Variants in ATF6 observed in about 807,000 individuals in gnomAD.
ATF6 encodes cyclic AMP-dependent transcription factor ATF-6 alpha.
Under a neutral mutation model 83.6 loss-of-function variants are expected in ATF6, and 53 were observed. That is an observed-to-expected ratio of 0.63 (90% CI 0.51 to 0.80). The LOEUF is 0.80. Among genes scored for constraint, ATF6 ranks in the 30% least tolerant of loss-of-function variants. ATF6 has a pLI of 0.00. For missense variants in ATF6, 744 were observed against 797.9 expected (o/e 0.93, Z 0.81); for synonymous variants, 288 against 285.8 (o/e 1.01, Z -0.08).
intron 9 of ATF6, among the ~76,000 whole-genome samples, chr1:161,838,080 T>TTTA (rs1253185462): frequency 3.3e-5 from 5 of 152,198 alleles, no homozygotes; most frequent in Non-Finnish European, 5.9e-5. Context: ...AGGACTTTAG[T>TTTA]AACTCTGCCC....
chr1:161,942,202 C>A (rs1688660721), intron 15 of ATF6, among the ~76,000 whole-genome samples: 1 of 152,158 alleles, frequency 6.6e-6, no homozygotes, highest in South Asian at 2.1e-4. Context: ...AACTCCTCAG[C>A]CCTCATACCA....
At chr1:161,894,963 A>T (rs1432760253) in intron 14 of ATF6, among the ~76,000 whole-genome samples, 1 of 151,672 alleles carries the variant, frequency 6.6e-6, no homozygotes, top group African/African-American at 2.4e-5. Flanking sequence ...TTCAGGCCAG[A>T]TGCAGTGGCT....
intron 15 of ATF6, among the ~76,000 whole-genome samples, chr1:161,936,219 T>C (rs1273615281): frequency 6.6e-6 from 1 of 152,244 alleles, no homozygotes; most frequent in Non-Finnish European, 1.5e-5. Flanking sequence ...TTAGTTGGCA[T>C]GAATTTGAGG....
intron 15 of ATF6, among the ~76,000 whole-genome samples, chr1:161,954,093 A>G (rs184916213): frequency 1.8e-4 from 27 of 152,242 alleles, no homozygotes; most frequent in African/African-American, 6.5e-4. Flanking sequence ...AAAAAATACT[A>G]ACAGAAATGC....
chr1:161,770,173 A>G (rs1411273084), intron 1 of ATF6, among the ~76,000 whole-genome samples: 3 of 152,168 alleles, frequency 2.0e-5, no homozygotes, highest in African/African-American at 7.2e-5. Flanking sequence ...GGAATCATAC[A>G]GTATGTAGCA....
At chr1:161,831,977 A>T (rs1000328348) in intron 9 of ATF6, among the ~76,000 whole-genome samples, 14 of 151,864 alleles carry the variant, frequency 9.2e-5, no homozygotes, top group South Asian at 4.1e-4. Flanking sequence ...ATTTCCAGAG[A>T]TACAGAGCCA....
intron 15 of ATF6, among the ~76,000 whole-genome samples, chr1:161,914,575 T>C (rs1688053166): frequency 6.6e-6 from 1 of 152,170 alleles, no homozygotes; most frequent in Admixed American, 6.6e-5. Context: ...ATCTAGACCT[T>C]ATCATCATCA....
chr1:161,782,902 G>T (rs1191805570), intron 3 of ATF6, among the ~76,000 whole-genome samples: 2 of 152,206 alleles, frequency 1.3e-5, no homozygotes, highest in Non-Finnish European at 2.9e-5. Context: ...TTGACCGGGT[G>T]CTCCAAGGAT....
rs60394665 is a variant in ATF6 at position 161,766,324 on chromosome 1, A to G, written c.-37A>G. 296 of 1,597,760 alleles carry G rather than the reference A, an allele frequency of 1.9e-4. 4 individuals carry two copies. The East Asian group carries it at 6.2e-3, about 33-fold the overall frequency. ...TCCGCCTGCCGCCGCCGTCCCAGAT[A>G]TTAATCACGGAGTTCCAGGGAGAAG... On this transcript the variant is annotated 5_prime_UTR_variant, in exon 1 of 16. The change creates a new upstream start codon in the 5' untranslated region. Coordinates refer to ENST00000367942, the MANE Select transcript of ATF6 (RefSeq NM_007348.4).
chr1:161,807,628 T>C (rs1422373311), intron 7 of ATF6, among the ~76,000 whole-genome samples: 1 of 152,194 alleles, frequency 6.6e-6, no homozygotes, highest in Non-Finnish European at 1.5e-5. Context: ...AAAGAAAATA[T>C]GCTTTGTTTA....
chr1:161,834,339 C>A (rs576463898), intron 9 of ATF6, among the ~76,000 whole-genome samples: 1 of 151,796 alleles, frequency 6.6e-6, no homozygotes, highest in South Asian at 2.1e-4. Flanking sequence ...ATGTTTATTG[C>A]GGCACTATTC....
At chr1:161,829,293 G>A (rs1465459642) in intron 9 of ATF6, among the ~76,000 whole-genome samples, 2 of 143,510 alleles carry the variant, frequency 1.4e-5, no homozygotes, top group Admixed American at 7.7e-5. Context: ...TCCGCCTCCC[G>A]GGTTCATGCA....
intron 15 of ATF6, among the ~76,000 whole-genome samples, chr1:161,942,038 G>A (rs550202315): frequency 3.9e-4 from 59 of 151,994 alleles, no homozygotes; most frequent in African/African-American, 1.4e-3. Flanking sequence ...AAAGACTCTG[G>A]GTAATGTTTT....
At position 161,788,106 on chromosome 1, in the gene ATF6, G is replaced by A. The variant is rs904230869; in HGVS notation, c.355-3302G>A. Among the ~76,000 whole-genome samples the A allele has an allele frequency of 2.6e-5, 4 of 152,158 alleles. 1 individual carries two copies. Among genetic ancestry groups the A allele is most frequent in the African/African-American group, 9.7e-5 (4 of 41,428 alleles). ...CTAGAATTGCTGGGTAGTAGAATGT[G>A]CAGGTATTTAATTTGACAAGTGCTT... On this transcript the variant is annotated intron_variant, in intron 4 of 15. Coordinates refer to ENST00000367942, the MANE Select transcript of ATF6 (RefSeq NM_007348.4).
chr1:161,815,346 G>A (rs576614389), intron 7 of ATF6, among the ~76,000 whole-genome samples: 2 of 151,242 alleles, frequency 1.3e-5, no homozygotes, highest in African/African-American at 4.9e-5. Context: ...TGTGCACCAC[G>A]ATGCCCAGCT....
chr1:161,831,199 C>T (rs1571169889), intron 9 of ATF6, among the ~76,000 whole-genome samples: 2 of 152,168 alleles, frequency 1.3e-5, no homozygotes, highest in Non-Finnish European at 2.9e-5. Context: ...AAAAAATGCT[C>T]ATCATCACTG....
chr1:161,928,866 G>C (rs777522015), intron 15 of ATF6, among the ~76,000 whole-genome samples: 2 of 152,120 alleles, frequency 1.3e-5, no homozygotes, highest in Non-Finnish European at 2.9e-5. Flanking sequence ...AGACAAAGTG[G>C]GCTATAAACA....
chr1:161,950,012 G>T (rs1233121552), intron 15 of ATF6, among the ~76,000 whole-genome samples: 1 of 152,150 alleles, frequency 6.6e-6, no homozygotes, highest in Non-Finnish European at 1.5e-5. Flanking sequence ...ATGGGGTTTT[G>T]GTCTAAAATT....
intron 15 of ATF6, among the ~76,000 whole-genome samples, chr1:161,920,294 C>CTCTTTTTTTTTTTTTTTTTTT (rs1157916734): frequency 7.3e-5 from 4 of 54,846 alleles, no homozygotes; most frequent in Admixed American, 2.2e-4. Flanking sequence ...CTCTCTCTCT[C>CTCTTTTTTTTTTTTTTTTTTT]TTTTTTTTTT....
Sources: gnomAD v4.1 joint callset for allele counts (sites outside exome capture counted in the v4.1 genomes callset) on GRCh38, gnomAD v4.1.1 for gene constraint, MANE v1.5 for transcripts, NCBI Gene and HGNC (gene_info 2026-07-23, HGNC 2026-07-21) for gene names.